The following PTPRR variants were observed in gnomAD, a reference collection of about 807,000 sequenced individuals.
The protein encoded by PTPRR is receptor-type tyrosine-protein phosphatase R.
Under a neutral mutation model 77.2 loss-of-function variants are expected in PTPRR, and 38 were observed. That is an observed-to-expected ratio of 0.49 (90% CI 0.38 to 0.65). PTPRR has a LOEUF of 0.65. PTPRR is among the 30% of genes least tolerant of loss of function. PTPRR has a pLI of 0.00. For missense variants in PTPRR, 744 were observed against 799.2 expected, an observed-to-expected ratio of 0.93 and a Z score of 0.83; for synonymous variants, 299 against 283.1, an observed-to-expected ratio of 1.06 and a Z score of -0.57.
At chr12:70,866,506 C>T (rs960049101) in intron 2 of PTPRR, among the ~76,000 whole-genome samples, 1 of 152,154 alleles carries the variant, frequency 6.6e-6, no homozygotes, top group Non-Finnish European at 1.5e-5. Flanking sequence ...CCTGAATAGA[C>T]CAATAACAGG....
At chr12:70,909,727 G>A (rs1402485360) in intron 1 of PTPRR, among the ~76,000 whole-genome samples, 1 of 152,100 alleles carries the variant, frequency 6.6e-6, no homozygotes, top group Non-Finnish European at 1.5e-5. Flanking sequence ...GAATGTTTTG[G>A]CCTTTGTTGG....
At chr12:70,646,769 G>A (rs892136240) in intron 13 of PTPRR, among the ~76,000 whole-genome samples, 4 of 152,086 alleles carry the variant, frequency 2.6e-5, no homozygotes, top group African/African-American at 9.7e-5. Flanking sequence ...GATTATTTGG[G>A]AATGCAGAGA....
chr12:70,870,247 A>T (rs935842484), intron 2 of PTPRR, among the ~76,000 whole-genome samples: 4 of 152,186 alleles, frequency 2.6e-5, no homozygotes, highest in Non-Finnish European at 5.9e-5. Context: ...AAAGAACATC[A>T]TCTTTAAAAT....
chr12:70,793,561 C>T (rs2137012093), intron 2 of PTPRR, among the ~76,000 whole-genome samples: 1 of 152,256 alleles, frequency 6.6e-6, no homozygotes, highest in East Asian at 1.9e-4. Context: ...ACAATGACAT[C>T]TACCTATTAT....
At chr12:70,718,657 C>T (rs1045519125) in intron 6 of PTPRR, among the ~76,000 whole-genome samples, 1 of 152,152 alleles carries the variant, frequency 6.6e-6, no homozygotes, top group African/African-American at 2.4e-5. Flanking sequence ...TTAGATGTTA[C>T]ATTAATCCTT....
intron 8 of PTPRR, among the ~76,000 whole-genome samples, chr12:70,687,462 A>G (rs1213768442): frequency 6.6e-6 from 1 of 152,036 alleles, no homozygotes; most frequent in Non-Finnish European, 1.5e-5. Context: ...TGTGAAGACC[A>G]AGATGCTTAT....
At chr12:70,657,698 TTTTCCCTC>T in intron 12 of PTPRR, among the ~76,000 whole-genome samples, 1 of 152,178 alleles carries the variant, frequency 6.6e-6, no homozygotes, top group African/African-American at 2.4e-5. Flanking sequence ...ATTAATTATC[TTTTCCCTC>T]AATGGCATTA....
intron 1 of PTPRR, among the ~76,000 whole-genome samples, chr12:70,919,795 C>CGA (rs1893828388): frequency 6.8e-6 from 1 of 147,688 alleles, no homozygotes; most frequent in African/African-American, 2.5e-5. Context: ...TTAGAAAATT[C>CGA]GAGTGACAAG....
chr12:70,882,554 A>G (rs1012218322), intron 2 of PTPRR, among the ~76,000 whole-genome samples: 1 of 152,238 alleles, frequency 6.6e-6, no homozygotes, highest in African/African-American at 2.4e-5. Context: ...CTGTGTTTAC[A>G]TTTATTTATA....
At chr12:70,761,434 C>CATTTTTTA (rs1890688550) in intron 4 of PTPRR, 37 bp downstream of exon 4, 2 of 1,509,644 alleles carry the variant, frequency 1.3e-6, no homozygotes, top group Non-Finnish European at 1.8e-6. Context: ...GCTAACTGTT[C>CATTTTTTA]ACATTTTTAA....
At chr12:70,911,018 G>A (rs567436995) in intron 1 of PTPRR, among the ~76,000 whole-genome samples, 70 of 152,308 alleles carry the variant, frequency 4.6e-4, no homozygotes, top group Admixed American at 2.6e-3. Context: ...AATCAGCAGC[G>A]AGAAGAGTCC....
intron 2 of PTPRR, among the ~76,000 whole-genome samples, chr12:70,767,962 C>A (rs1454569202): frequency 1.3e-5 from 2 of 151,916 alleles, no homozygotes; most frequent in African/African-American, 4.8e-5. Flanking sequence ...TTCTTTGAAA[C>A]CAATGAGAAC....
chr12:70,705,844 T>C (rs1888600548), intron 6 of PTPRR, among the ~76,000 whole-genome samples: 1 of 152,060 alleles, frequency 6.6e-6, no homozygotes, highest in South Asian at 2.1e-4. Context: ...TCTTCAGAAC[T>C]GAAAATGTGA....
At chr12:70,696,368 C>T (rs963652852) in intron 8 of PTPRR, among the ~76,000 whole-genome samples, 24 of 152,256 alleles carry the variant, frequency 1.6e-4, no homozygotes, top group Admixed American at 4.6e-4. Context: ...TGGTCCCTGG[C>T]ATTCAGGTCA....
chr12:70,698,485 C>T, intron 7 of PTPRR, 136 bp from the exon 8 acceptor site: 2 of 632,914 alleles, frequency 3.2e-6, no homozygotes, highest in South Asian at 2.0e-5. Context: ...CTCTGGTGGA[C>T]CAACACCCTT....
At chr12:70,795,992 C>T (rs1202434306) in intron 2 of PTPRR, among the ~76,000 whole-genome samples, 3 of 127,932 alleles carry the variant, frequency 2.3e-5, no homozygotes, top group Non-Finnish European at 3.1e-5. Context: ...GGTGCGATCT[C>T]GGTTCACTGC....
At chr12:70,884,242 T>C (rs1893198334) in intron 2 of PTPRR, among the ~76,000 whole-genome samples, 1 of 152,206 alleles carries the variant, frequency 6.6e-6, no homozygotes. Context: ...GCCAATCCCA[T>C]CACTCAGGAG....
At chr12:70,750,603 T>C (rs1175227206) in intron 5 of PTPRR, among the ~76,000 whole-genome samples, 1 of 152,216 alleles carries the variant, frequency 6.6e-6, no homozygotes, top group East Asian at 1.9e-4. Flanking sequence ...AACTCTTGAC[T>C]CCTCTGTGGT....
chr12:70,847,349 T>C (rs562217534), intron 2 of PTPRR, among the ~76,000 whole-genome samples: 1 of 152,274 alleles, frequency 6.6e-6, no homozygotes, highest in African/African-American at 2.4e-5. Context: ...ACAAACATAA[T>C]CAAAACATTT....
Sources: allele counts gnomAD v4.1 joint callset (sites outside exome capture counted in the v4.1 genomes callset), GRCh38; gene constraint gnomAD v4.1.1; transcripts MANE v1.5; gene names NCBI Gene and HGNC (gene_info 2026-07-23, HGNC 2026-07-21).